Variants in GATB observed in about 807,000 individuals in gnomAD.
GATB encodes glutamyl-tRNA(Gln) amidotransferase subunit B, mitochondrial.
GATB carries 39 observed loss-of-function variants against 62.3 expected under a neutral mutation model. The observed-to-expected ratio is 0.63, with a 90% CI of 0.48 to 0.82. The LOEUF is 0.82. Among genes scored for constraint, GATB ranks in the 40% least tolerant of loss-of-function variants. The pLI is 0.00. For synonymous variants in GATB, 276 were observed against 258.9 expected, an observed-to-expected ratio of 1.07 and a Z score of -0.63; for missense variants, 670 against 684.0, an observed-to-expected ratio of 0.98 and a Z score of 0.23.
rs911655454 is a variant in GATB at position 151,730,262 on chromosome 4, C to T, written c.328-10724G>A. ...TCTCATCCCCATCATCCACAGCAGC[C>T]GCAGCAAGACCCGCCCAAGGAGAGT... On this transcript the variant is annotated intron_variant, in intron 2 of 12. Coordinates refer to ENST00000263985, the MANE Select transcript of GATB (RefSeq NM_004564.3). The surrounding 1 kb of genome is among the most constrained non-coding windows in gnomAD (Gnocchi z 4.1). Among the ~76,000 whole-genome samples the T allele has an allele frequency of 5.9e-5, 9 of 152,122 alleles. No individual in the cohort carries two copies. The highest frequency in any genetic ancestry group is 7.3e-5 in the Non-Finnish European group (5 of 68,030).
chr4:151,673,366 G>T (rs1268595228), intron 11 of GATB: 2 of 155,562 alleles, frequency 1.3e-5, no homozygotes, highest in Non-Finnish European at 2.9e-5. Flanking sequence ...TAATTGAGGT[G>T]ACATTTTGGT....
intron 2 of GATB, among the ~76,000 whole-genome samples, chr4:151,733,970 T>C (rs539923452): frequency 6.6e-6 from 1 of 152,310 alleles, no homozygotes; most frequent in Admixed American, 6.5e-5. Flanking sequence ...AAGCCATCTA[T>C]GACAAACCCA....
At chr4:151,695,599 C>T (rs1375206334) in intron 9 of GATB, among the ~76,000 whole-genome samples, 1 of 152,156 alleles carries the variant, frequency 6.6e-6, no homozygotes, top group African/African-American at 2.4e-5. Flanking sequence ...ATCTTCCCGT[C>T]TACTGACTGC....
chr4:151,716,270 C>A, intron 4 of GATB, 139 bp from the exon 5 acceptor site: 1 of 874,636 alleles, frequency 1.1e-6, no homozygotes, highest in Non-Finnish European at 1.6e-6. Flanking sequence ...TTTCTCTTCC[C>A]TCCCACCTTT....
At chr4:151,760,742 T>G (rs1295584744) in intron 1 of GATB, 65 bp downstream of exon 1, 104 of 1,422,602 alleles carry the variant, frequency 7.3e-5, no homozygotes, top group Non-Finnish European at 9.6e-5. Context: ...GTAATTGCCA[T>G]TATTTCCCCA....
intron 2 of GATB, chr4:151,721,877 G>A: frequency 2.9e-6 from 1 of 345,462 alleles, no homozygotes; most frequent in Admixed American, 4.8e-5. Flanking sequence ...GTGTCCGTGT[G>A]CACACAAGCG....
At chr4:151,735,219 TCAAA>T (rs1429287577) in intron 2 of GATB, among the ~76,000 whole-genome samples, 1 of 102,128 alleles carries the variant, frequency 9.8e-6, no homozygotes, top group African/African-American at 3.9e-5. Context: ...TACAACAAAC[TCAAA>T]CAAATCAGTA....
chr4:151,719,460 A>G lies in GATB; in HGVS notation c.406T>C (p.Phe136Leu). The change falls in exon 3 of 13, where the codon TTT (phenylalanine) becomes CTT (leucine). Residue 136 changes from phenylalanine (F) to leucine (L), a missense_variant. Transcript: ENST00000263985. Reference protein sequence around the residue: ...LNCHINKKSLFDRKHYFYADL... With the variant: ...LNCHINKKSLLDRKHYFYADL... Reference sequence around the variant, plus strand: ...GCATAGAAGTAGTGCTTCCTGTCAAACAAGGACTTCTTGTTTATGTGGCAG... The same window carrying G: ...GCATAGAAGTAGTGCTTCCTGTCAAGCAAGGACTTCTTGTTTATGTGGCAG... 1 of 1,612,188 alleles carries G rather than the reference A, an allele frequency of 6.2e-7. No individual in the cohort carries two copies. Among genetic ancestry groups the G allele is most frequent in the Non-Finnish European group, 8.5e-7 (1 of 1,179,136 alleles).
At chr4:151,753,873 T>C (rs188912324) in intron 2 of GATB, among the ~76,000 whole-genome samples, 115 of 152,344 alleles carry the variant, frequency 7.5e-4, no homozygotes, top group Admixed American at 2.8e-3. Flanking sequence ...TTGTCCTTCA[T>C]AGTAAAACTT....
chr4:151,704,809 C>T (rs1296239824), intron 7 of GATB, among the ~76,000 whole-genome samples: 1 of 151,564 alleles, frequency 6.6e-6, no homozygotes, highest in African/African-American at 2.4e-5. Flanking sequence ...AGTGCGGTGG[C>T]AACATCTCAG....
chr4:151,744,510 G>C lies in GATB; in HGVS notation c.327+14262C>G, dbSNP rs142433658. On this transcript the variant is annotated intron_variant, in intron 2 of 12. Coordinates refer to ENST00000263985, the MANE Select transcript of GATB (RefSeq NM_004564.3). ...GCTCATGCCTATAATCCCACTTTGC[G>C]AGGTGGAGGCAGGAGGACTCCTTGA... 4.8e-3 allele frequency among the ~76,000 whole-genome samples: 730 copies of C among 152,256 alleles called. 3 individuals are homozygous for C. Among genetic ancestry groups the C allele is most frequent in the African/African-American group, 0.017 (686 of 41,538 alleles).
chr4:151,717,001 C>T lies in GATB; in HGVS notation c.515G>A (p.Gly172Glu), dbSNP rs114812418. Reference protein sequence around the residue: ...NGSLIYGVCAGKKQSQVIPKT... With the variant: ...NGSLIYGVCAEKKQSQVIPKT... The stretch of plus-strand genomic sequence containing the variant: ...GGGGATCACCTGACTCTGCTTCTTC[C>T]CTGCACAGACGCCATATATCAAGCT... The change falls in exon 4 of 13, where the codon GGG becomes GAG. Residue 172 changes from glycine to glutamate, a missense_variant. By Grantham distance (98) the Gly-to-Glu change is moderately conservative. Coordinates refer to ENST00000263985, the MANE Select transcript of GATB (RefSeq NM_004564.3). The T allele has an allele frequency of 1.2e-6, 2 of 1,614,126 alleles. No individual in the cohort carries two copies. The highest frequency in any genetic ancestry group is 1.7e-5 in the Admixed American group (1 of 60,026).
intron 2 of GATB, chr4:151,723,584 T>C (rs1578924044): frequency 6.6e-6 from 1 of 152,260 alleles, no homozygotes; most frequent in African/African-American, 2.4e-5. Context: ...TTTCCAGATG[T>C]TGAACTCTCA....
intron 2 of GATB, among the ~76,000 whole-genome samples, chr4:151,728,697 A>G (rs924864750): frequency 4.6e-5 from 7 of 152,210 alleles, no homozygotes; most frequent in African/African-American, 1.7e-4. Flanking sequence ...TGAAACCTCA[A>G]GAGGAATCAG....
intron 10 of GATB, among the ~76,000 whole-genome samples, chr4:151,680,490 T>C (rs891204195): frequency 6.6e-6 from 1 of 152,160 alleles, no homozygotes; most frequent in Non-Finnish European, 1.5e-5. Context: ...TATACCTATA[T>C]TTCTAGGATG....
intron 11 of GATB, among the ~76,000 whole-genome samples, chr4:151,678,881 G>GT (rs1433389199): frequency 1.1e-5 from 1 of 91,964 alleles, no homozygotes; most frequent in Non-Finnish European, 1.9e-5. Context: ...TTCTGGTTAT[G>GT]TGTTTTTTTT....
At chr4:151,717,714 C>T (rs1338311112) in intron 3 of GATB, among the ~76,000 whole-genome samples, 1 of 152,176 alleles carries the variant, frequency 6.6e-6, no homozygotes, top group African/African-American at 2.4e-5. Flanking sequence ...GATCCCTCAC[C>T]TGCTTCTAAG....
At chr4:151,695,037 G>C (rs893962484) in intron 9 of GATB, among the ~76,000 whole-genome samples, 12 of 152,182 alleles carry the variant, frequency 7.9e-5, no homozygotes, top group African/African-American at 2.7e-4. Flanking sequence ...TCCTGAGGCT[G>C]ACTATAAAGA....
intron 4 of GATB, 156 bp from the exon 5 acceptor site, chr4:151,716,287 T>G: frequency 9.4e-6 from 8 of 848,208 alleles, no homozygotes; most frequent in African/African-American, 5.3e-5. Context: ...CTTTTTTTTT[T>G]TTTTTTTTTT....
Sources: gnomAD v4.1 joint callset for allele counts (sites outside exome capture counted in the v4.1 genomes callset) on GRCh38, gnomAD v4.1.1 for gene constraint, Gnocchi (gnomAD v3.1) non-coding constraint, MANE v1.5 for transcripts, NCBI Gene and HGNC (gene_info 2026-07-23, HGNC 2026-07-21) for gene names.